ULK4: variants seen among roughly 807,000 people sequenced by gnomAD.
ULK4 encodes inactive serine/threonine-protein kinase ULK4.
In ULK4, 133 loss-of-function variants were observed where a neutral mutation model predicts 160.6. The ratio of observed to expected loss-of-function variants is 0.83; its 90% CI spans 0.72 to 0.96. ULK4 has a LOEUF of 0.96. Ranked by LOEUF, ULK4 falls within the 40% of genes least tolerant of loss-of-function variation. The pLI is 0.00. For synonymous variants in ULK4, 534 were observed against 539.8 expected, an observed-to-expected ratio of 0.99 and a Z score of 0.15; for missense variants, 1,580 against 1,499.5, an observed-to-expected ratio of 1.05 and a Z score of -0.89.
intron 34 of ULK4, among the ~76,000 whole-genome samples, chr3:41,440,124 A>C (rs139011762): frequency 1.4e-4 from 22 of 152,318 alleles, no homozygotes; most frequent in African/African-American, 5.3e-4. Flanking sequence ...TTCAACATAG[A>C]CATCATGTCA....
chr3:41,535,608 C>A (rs922195348), intron 32 of ULK4, among the ~76,000 whole-genome samples: 10 of 152,274 alleles, frequency 6.6e-5, no homozygotes, highest in Admixed American at 3.3e-4. Flanking sequence ...TCATTCAGAC[C>A]ACATATACTC....
In ULK4 at chr3:41,768,520, C is replaced by T. The variant is rs1340392938; in HGVS notation, c.2194-14032G>A. Among the ~76,000 whole-genome samples the T allele has an allele frequency of 2.6e-5, 4 of 152,082 alleles. No individual in the cohort carries two copies. In the East Asian group the frequency reaches 5.8e-4, roughly 22 times the overall value. On this transcript the variant is annotated intron_variant, in intron 21 of 36. Transcript: ENST00000301831. ...ACTCTGCCACCATGCTGTGAGGAAG[C>T]CCAAACAGCCTGTAGAGGTCCACAT...
chr3:41,323,743 G>T (rs1261385281), intron 35 of ULK4, among the ~76,000 whole-genome samples: 1 of 152,040 alleles, frequency 6.6e-6, no homozygotes, highest in African/African-American at 2.4e-5. Flanking sequence ...CAGACACAGT[G>T]TAAGGGGGTT....
intron 30 of ULK4, among the ~76,000 whole-genome samples, chr3:41,641,220 G>T (rs897981440): frequency 6.6e-6 from 1 of 152,154 alleles, no homozygotes; most frequent in African/African-American, 2.4e-5. Flanking sequence ...TGGTGCAGCA[G>T]TGGAAGATGG....
chr3:41,691,900 A>G (rs1312841713), intron 27 of ULK4, among the ~76,000 whole-genome samples: 1 of 151,376 alleles, frequency 6.6e-6, no homozygotes, highest in African/African-American at 2.4e-5. Context: ...GAACAACAAC[A>G]AAAAAGGACA....
At chr3:41,941,679 C>G (rs922906128) in intron 2 of ULK4, among the ~76,000 whole-genome samples, 1 of 133,964 alleles carries the variant, frequency 7.5e-6, no homozygotes, top group Non-Finnish European at 1.6e-5. Context: ...ATCCATTGAG[C>G]CCGGGAAGTC....
intron 31 of ULK4, among the ~76,000 whole-genome samples, chr3:41,606,027 T>G (rs942963584): frequency 6.6e-6 from 1 of 151,970 alleles, no homozygotes; most frequent in Admixed American, 6.6e-5. Context: ...CAAGGAAAAT[T>G]TGAAATTATG....
chr3:41,909,174 T>C lies in ULK4; in HGVS notation c.1086-1233A>G, dbSNP rs147652705. 3.8e-4 allele frequency among the ~76,000 whole-genome samples: 57 copies of C among 150,600 alleles called. 1 individual carries two copies. Among genetic ancestry groups the C allele is most frequent in the South Asian group, 8.4e-4 (4 of 4,758 alleles). On this transcript the variant is annotated intron_variant, in intron 11 of 36. Transcript: ENST00000301831. ...TACTTGGGAGGCTGAGGCAGAAGAA[T>C]AGCTTAAACAGTGTAGGTGAAGGTT...
chr3:41,296,428 G>A (rs2079669367), intron 35 of ULK4, among the ~76,000 whole-genome samples: 1 of 152,308 alleles, frequency 6.6e-6, no homozygotes, highest in Non-Finnish European at 1.5e-5. Context: ...CATCAGCCTG[G>A]TGCGTGCTCG....
At chr3:41,694,248 G>A (rs1001517859) in intron 27 of ULK4, among the ~76,000 whole-genome samples, 2 of 152,198 alleles carry the variant, frequency 1.3e-5, no homozygotes, top group Admixed American at 1.3e-4. Context: ...ATATGTATGT[G>A]TGTGCAGATA....
At chr3:41,397,320 G>T (rs2082083716) in intron 35 of ULK4, among the ~76,000 whole-genome samples, 1 of 152,144 alleles carries the variant, frequency 6.6e-6, no homozygotes, top group African/African-American at 2.4e-5. Context: ...ACAGTGGAAT[G>T]CTGGGAGTTA....
chr3:41,591,307 C>T (rs2031284902), intron 31 of ULK4, among the ~76,000 whole-genome samples: 1 of 151,898 alleles, frequency 6.6e-6, no homozygotes, highest in Admixed American at 6.6e-5. Context: ...GAATTCTTTA[C>T]CAGTATCTCT....
At chr3:41,636,497 G>A (rs188627063) in intron 30 of ULK4, among the ~76,000 whole-genome samples, 186 of 151,178 alleles carry the variant, frequency 1.2e-3, no homozygotes, top group African/African-American at 4.4e-3. Flanking sequence ...TCCTGCCACT[G>A]CACTCTAGCC....
chr3:41,660,091 A>ACT (rs1241507426), intron 30 of ULK4, among the ~76,000 whole-genome samples: 1 of 152,210 alleles, frequency 6.6e-6, no homozygotes, highest in Non-Finnish European at 1.5e-5. Flanking sequence ...GGAGTTCGAG[A>ACT]CCAGCCTGAC....
At chr3:41,518,272 T>C (rs997274718) in intron 32 of ULK4, among the ~76,000 whole-genome samples, 3 of 152,222 alleles carry the variant, frequency 2.0e-5, no homozygotes, top group African/African-American at 7.2e-5. Context: ...CTCTCATCTA[T>C]ATATCTGTAA....
Position 41,857,412 on chromosome 3 carries a change from A to G in ULK4, c.1657-21441T>C, listed in dbSNP as rs766617553. Among the ~76,000 whole-genome samples, 12 of 151,914 alleles carry G rather than the reference A, an allele frequency of 7.9e-5. No individual in the cohort carries two copies. The South Asian group carries it at 8.3e-4, about 11-fold the overall frequency. Reference sequence around the variant, plus strand: ...ACTAGCCCATAGTTTTCTTTTTTTGATATGTCTTTGTCAGATTTTGGTATC... The same window carrying G: ...ACTAGCCCATAGTTTTCTTTTTTTGGTATGTCTTTGTCAGATTTTGGTATC... On this transcript the variant is annotated intron_variant, in intron 17 of 36. Transcript: ENST00000301831.
intron 29 of ULK4, among the ~76,000 whole-genome samples, chr3:41,669,026 A>G (rs1041463337): frequency 6.6e-6 from 1 of 152,190 alleles, no homozygotes; most frequent in Non-Finnish European, 1.5e-5. Flanking sequence ...CAATAAACAA[A>G]CCACAGAAAA....
chr3:41,567,022 T>C (rs570333056), intron 31 of ULK4, among the ~76,000 whole-genome samples: 2 of 152,276 alleles, frequency 1.3e-5, no homozygotes, highest in East Asian at 3.9e-4. Flanking sequence ...CTGCTCTACG[T>C]CCTGCGCCCA....
At chr3:41,761,067 T>C (rs1281774549) in intron 21 of ULK4, among the ~76,000 whole-genome samples, 3 of 152,124 alleles carry the variant, frequency 2.0e-5, no homozygotes, top group Admixed American at 6.5e-5. Context: ...AGGGAAGACA[T>C]CCATGATTGC....
Sources: gnomAD v4.1 joint callset for allele counts (sites outside exome capture counted in the v4.1 genomes callset) on GRCh38, gnomAD v4.1.1 for gene constraint, MANE v1.5 for transcripts, NCBI Gene and HGNC (gene_info 2026-07-23, HGNC 2026-07-21) for gene names.